Variants in FOXP1 observed in about 807,000 individuals in gnomAD.
The protein encoded by FOXP1 is forkhead box protein P1.
Under a neutral mutation model 98.2 loss-of-function variants are expected in FOXP1, and 15 were observed. That is an observed-to-expected ratio of 0.15 (90% CI 0.10 to 0.24). The LOEUF (loss-of-function observed/expected upper bound fraction) is 0.24. Among genes scored for constraint, FOXP1 ranks in the 10% least tolerant of loss-of-function variants. The pLI, the probability that FOXP1 is intolerant of heterozygous loss-of-function variation, is 1.00. For missense variants in FOXP1, 633 were observed against 848.5 expected, an observed-to-expected ratio of 0.75 and a Z score of 3.15; for synonymous variants, 371 against 314.5, an observed-to-expected ratio of 1.18 and a Z score of -1.90.
chr3:71,310,178 G>C (rs1036032893), intron 4 of FOXP1, among the ~76,000 whole-genome samples: 56 of 152,312 alleles, frequency 3.7e-4, no homozygotes, highest in African/African-American at 1.2e-3. Context: ...AGCAGGACTT[G>C]CCTGGTACAT....
At chr3:71,330,090 T>G (rs1577002240) in intron 4 of FOXP1, among the ~76,000 whole-genome samples, 1 of 152,148 alleles carries the variant, frequency 6.6e-6, no homozygotes, top group East Asian at 1.9e-4. Flanking sequence ...AACTTATACA[T>G]GTAATAACAT....
At chr3:71,546,204 C>T (rs1033374847) in intron 2 of FOXP1, among the ~76,000 whole-genome samples, 1 of 152,104 alleles carries the variant, frequency 6.6e-6, no homozygotes, top group Non-Finnish European at 1.5e-5. Context: ...TGGTCGGTGG[C>T]CAGGTAAGAG....
intron 20 of FOXP1, 44 bp downstream of exon 20, chr3:70,965,837 CCTAGGGAGA>C: frequency 6.4e-7 from 1 of 1,570,226 alleles, no homozygotes; most frequent in Non-Finnish European, 8.8e-7. Context: ...CCTGCGTGTA[CCTAGGGAGA>C]CTAGGGTCAG....
At chr3:71,491,346 T>A (rs1376896542) in intron 3 of FOXP1, among the ~76,000 whole-genome samples, 4 of 152,184 alleles carry the variant, frequency 2.6e-5, no homozygotes, top group Non-Finnish European at 5.9e-5. Context: ...ATGTGCTGCC[T>A]GTTCACTAAT....
intron 6 of FOXP1, among the ~76,000 whole-genome samples, chr3:71,171,971 T>TA (rs1237360843): frequency 1.3e-5 from 2 of 152,218 alleles, no homozygotes; most frequent in Non-Finnish European, 2.9e-5. Context: ...CCTTATCAAT[T>TA]ATTTATTAAA....
intron 2 of FOXP1, among the ~76,000 whole-genome samples, chr3:71,531,340 C>G (rs965087237): frequency 2.0e-5 from 3 of 152,198 alleles, no homozygotes; most frequent in African/African-American, 7.2e-5. Flanking sequence ...CAGCAGCTCA[C>G]AGCAAGAAGC....
intron 13 of FOXP1, among the ~76,000 whole-genome samples, chr3:70,995,320 A>G (rs1358789868): frequency 6.6e-6 from 1 of 152,076 alleles, no homozygotes; most frequent in Non-Finnish European, 1.5e-5. Flanking sequence ...ATCCTCAACA[A>G]CTTTCTAGTT....
intron 7 of FOXP1, among the ~76,000 whole-genome samples, chr3:71,110,403 C>T (rs768645879): frequency 4.6e-5 from 7 of 151,470 alleles, no homozygotes; most frequent in Non-Finnish European, 7.4e-5. Context: ...TGTAAGATTT[C>T]CCCCCCAATA....
At chr3:71,301,062 G>T (rs1052010249) in intron 4 of FOXP1, among the ~76,000 whole-genome samples, 7 of 152,094 alleles carry the variant, frequency 4.6e-5, no homozygotes, top group African/African-American at 1.7e-4. Context: ...ATTAAGATTG[G>T]AAAAAGACGC....
At chr3:71,517,132 G>C (rs2042637261) in intron 2 of FOXP1, among the ~76,000 whole-genome samples, 1 of 152,062 alleles carries the variant, frequency 6.6e-6, no homozygotes, top group Admixed American at 6.6e-5. Flanking sequence ...TCAGAAAAGA[G>C]GATCAAAATA....
At chr3:71,285,296 G>A (rs1228444870) in intron 5 of FOXP1, among the ~76,000 whole-genome samples, 1 of 152,190 alleles carries the variant, frequency 6.6e-6, no homozygotes, top group Non-Finnish European at 1.5e-5. Context: ...GTCGCATAAG[G>A]ATAGTGTAGT....
chr3:71,342,076 G>A (rs80110011), intron 4 of FOXP1, among the ~76,000 whole-genome samples: 25,987 of 152,064 alleles, frequency 0.17, 2,605 homozygotes, highest in Non-Finnish European at 0.23. Context: ...CTTTTTTGCC[G>A]CTTATCAGAT....
intron 5 of FOXP1, among the ~76,000 whole-genome samples, chr3:71,298,664 T>C (rs1560266730): frequency 6.6e-6 from 1 of 152,216 alleles, no homozygotes; most frequent in East Asian, 1.9e-4. Flanking sequence ...ACAATATAGA[T>C]GGTGAAATGA....
chr3:71,130,836 C>A, intron 6 of FOXP1: 1 of 1,432,422 alleles, frequency 7.0e-7, no homozygotes, highest in Admixed American at 2.9e-5. Flanking sequence ...TTCAAAGTTG[C>A]ATTTAGCACT....
chr3:71,389,878 G>T (rs78637035), intron 3 of FOXP1, among the ~76,000 whole-genome samples: 1 of 149,524 alleles, frequency 6.7e-6, no homozygotes, highest in African/African-American at 2.5e-5. Context: ...AAAAAAAAAA[G>T]TTCAAAAATC....
chr3:70,962,955 G>A (rs997338603), intron 20 of FOXP1, among the ~76,000 whole-genome samples: 4 of 152,036 alleles, frequency 2.6e-5, no homozygotes, highest in Non-Finnish European at 4.4e-5. Context: ...AGAATATTTC[G>A]TTTACCTAAT....
At position 71,197,940 on chromosome 3, in the gene FOXP1, A is replaced by C. The variant is rs759817771; in HGVS notation, c.180+262T>G. The C allele has an allele frequency of 3.7e-6, 6 of 1,614,186 alleles. No individual in the cohort carries two copies. Among genetic ancestry groups the C allele is most frequent in the Non-Finnish European group, 4.2e-6 (5 of 1,180,026 alleles). ...AAGGGTTAGGCTGACACACAGGTCC[A>C]CTCATCTTCGTCTCAGCAACTGCTC... On this transcript the variant is annotated intron_variant, in intron 6 of 20. Transcript: ENST00000649528.
chr3:71,157,918 C>G (rs1279350375), intron 6 of FOXP1, among the ~76,000 whole-genome samples: 1 of 151,850 alleles, frequency 6.6e-6, no homozygotes, highest in Non-Finnish European at 1.5e-5. Flanking sequence ...GAAACCTCAT[C>G]TCTATCAGAA....
chr3:71,362,260 C>T (rs2078622645), intron 3 of FOXP1, among the ~76,000 whole-genome samples: 1 of 152,184 alleles, frequency 6.6e-6, no homozygotes, highest in South Asian at 2.1e-4. Context: ...CAACCTCCAC[C>T]TCCTGGGTTC....
Sources: allele counts gnomAD v4.1 joint callset (sites outside exome capture counted in the v4.1 genomes callset), GRCh38; gene constraint gnomAD v4.1.1; transcripts MANE v1.5; gene names NCBI Gene and HGNC (gene_info 2026-07-23, HGNC 2026-07-21).